The following SYDE2 variants were observed in gnomAD, a reference collection of about 807,000 sequenced individuals.
SYDE2 encodes rho GTPase-activating protein SYDE2.
SYDE2 carries 76 observed loss-of-function variants against 91.5 expected under a neutral mutation model. The observed-to-expected ratio is 0.83, with a 90% CI of 0.69 to 1.01. The LOEUF (loss-of-function observed/expected upper bound fraction) is 1.01, where lower values mean the gene tolerates loss of function less well. Ranked by LOEUF, SYDE2 falls within the 50% of genes least tolerant of loss-of-function variation. The pLI is 0.00. For synonymous variants in SYDE2, 513 were observed against 506.4 expected, an observed-to-expected ratio of 1.01 and a Z score of -0.18; for missense variants, 1,364 against 1,367.7, an observed-to-expected ratio of 1.00 and a Z score of 0.04.
chr1:85,172,624 G>A (rs957120704), intron 4 of SYDE2, among the ~76,000 whole-genome samples: 7 of 152,110 alleles, frequency 4.6e-5, no homozygotes, highest in African/African-American at 1.7e-4. Flanking sequence ...CAAAGGACAA[G>A]GATCCCTGAG....
chr1:85,190,309 G>C lies in SYDE2; in HGVS notation c.1189C>G (p.Leu397Val), dbSNP rs1334076106. 1 of 1,613,952 alleles carries C rather than the reference G, an allele frequency of 6.2e-7. No individual in the cohort carries two copies. The highest frequency in any genetic ancestry group is 8.5e-7 in the Non-Finnish European group (1 of 1,179,894). Residue 397 changes from leucine (L) to valine (V), a missense_variant, in exon 2 of 7, where the codon CTG becomes GTG. By Grantham distance (32) the Leu-to-Val change is conservative (BLOSUM62 1). Coordinates refer to ENST00000341460, the MANE Select transcript of SYDE2 (RefSeq NM_032184.2). ...CTCAAATTGACAGCAGGGAGCTTCA[G>C]AACAGCAGAGTCGGCCTCACCAAAA... Reference protein sequence around the residue: ...LSFGEADSAVLKLPAVNLSML... With the variant: ...LSFGEADSAVVKLPAVNLSML...
chr1:85,189,372 A>C (rs112745452), intron 2 of SYDE2, among the ~76,000 whole-genome samples: 1 of 152,232 alleles, frequency 6.6e-6, no homozygotes, highest in African/African-American at 2.4e-5. Context: ...CCACTGGTAC[A>C]CTAAAAACAA....
At chr1:85,175,617 A>G (rs1294479708) in intron 4 of SYDE2, among the ~76,000 whole-genome samples, 1 of 152,226 alleles carries the variant, frequency 6.6e-6, no homozygotes, top group Non-Finnish European at 1.5e-5. Context: ...AAAACACATT[A>G]AACTGTGAAC....
intron 3 of SYDE2, among the ~76,000 whole-genome samples, chr1:85,178,866 G>A (rs181256458): frequency 2.0e-5 from 3 of 151,144 alleles, no homozygotes; most frequent in Admixed American, 6.6e-5. Context: ...AGTGATGGAG[G>A]AAATTTAAAA....
downstream of SYDE2, chr1:85,153,723 C>T (rs1656820879): frequency 6.6e-6 from 1 of 152,028 alleles, no homozygotes; most frequent in Non-Finnish European, 1.5e-5. Context: ...CCAGGTATGG[C>T]CTTGATTGCT....
chr1:85,172,960 T>C (rs1212325837), intron 4 of SYDE2, among the ~76,000 whole-genome samples: 1 of 152,178 alleles, frequency 6.6e-6, no homozygotes. Context: ...GTTTTCATAG[T>C]GTGGGCAATC....
intron 3 of SYDE2, 23 bp from the exon 4 acceptor site, chr1:85,178,295 A>G: frequency 6.5e-7 from 1 of 1,540,800 alleles, no homozygotes; most frequent in Non-Finnish European, 8.7e-7. Context: ...TTATGGCCAC[A>G]TTACAGTAAA....
intron 1 of SYDE2, among the ~76,000 whole-genome samples, chr1:85,196,262 G>A (rs893926485): frequency 2.6e-5 from 4 of 152,144 alleles, no homozygotes; most frequent in Non-Finnish European, 5.9e-5. Flanking sequence ...GAGAGCTCTA[G>A]AAGCTTACTA....
At position 85,178,201 on chromosome 1, in the gene SYDE2, A is replaced by G. The variant is rs781310100; in HGVS notation, c.2616T>C (p.Asp872=). ...TTTCACACAGACCAACAGCTTTGCT[A>G]TCTCTCTCAAAAGCCTCTCGCAGTT... ...KKELREAFER[D]SKAVGLCENQ... Residue 872 remains aspartate (D), a synonymous_variant, in exon 4 of 7, where the codon GAT becomes GAC. Transcript: ENST00000341460. The G allele has an allele frequency of 1.9e-6, 3 of 1,586,994 alleles. No individual in the cohort carries two copies. The highest frequency in any genetic ancestry group is 1.8e-5 in the Admixed American group (1 of 56,294).
chr1:85,158,449 G>A lies in SYDE2; in HGVS notation c.*301C>T, dbSNP rs960909762. 8.0e-6 allele frequency: 2 copies of A among 249,488 alleles called. No homozygotes were observed. The highest frequency in any genetic ancestry group is 1.1e-4 in the Admixed American group (2 of 18,594). The allele number at this position is 249,488 out of a possible 1,614,324, so 15.5% of individuals were successfully genotyped here. ...TTCCCATAAAGCAGAAAAACCTTGAGGGGCTAATAACTTATGTGAACCTTC... is the reference window on the plus strand; with the variant it reads ...TTCCCATAAAGCAGAAAAACCTTGAAGGGCTAATAACTTATGTGAACCTTC... On this transcript the variant is annotated 3_prime_UTR_variant, in exon 7 of 7. Transcript: ENST00000341460.
At chr1:85,196,134 A>G (rs1331388089) in intron 1 of SYDE2, among the ~76,000 whole-genome samples, 1 of 152,228 alleles carries the variant, frequency 6.6e-6, no homozygotes, top group Non-Finnish European at 1.5e-5. Context: ...TAGTAAGTAT[A>G]TTAATTCATA....
In SYDE2 at chr1:85,190,830, T is replaced by A. The variant is rs1442081959; in HGVS notation, c.746-78A>T. The A allele has an allele frequency of 2.4e-6, 3 of 1,254,666 alleles. No individual in the cohort carries two copies. The African/African-American group carries it at 4.5e-5, about 19-fold the overall frequency. The allele number at this position is 1,254,666 out of a possible 1,614,324, so 77.7% of individuals were successfully genotyped here. A position where few individuals can be genotyped will look rare whatever the true frequency, so the allele number is the denominator to read the frequency against. ...GACATGTCACTTCAGACCAGTTATT[T>A]AAAAAAATTTTTTTAAACAAAAAGT... On this transcript the variant is annotated intron_variant, in intron 1 of 6. Coordinates refer to ENST00000341460, the MANE Select transcript of SYDE2 (RefSeq NM_032184.2).
rs768557877 is a variant in SYDE2 at position 85,182,949 on chromosome 1, T to G, written c.1693A>C (p.Asn565His). Residue 565 changes from asparagine to histidine, a missense_variant, in exon 3 of 7, where the codon AAC (asparagine) becomes CAC (histidine). Transcript: ENST00000341460. ...PDNTPSLSKY[N>H]CREVHHTDIL... is the part of the protein sequence containing the mutation. Reference sequence around the variant, plus strand: ...TCAGTATGATGAACTTCTCGGCAGTTATATTTAGACAAAGAAGGAGTATTA... The same window carrying G: ...TCAGTATGATGAACTTCTCGGCAGTGATATTTAGACAAAGAAGGAGTATTA... 1 of 1,613,884 alleles carries G rather than the reference T, an allele frequency of 6.2e-7. No homozygotes were observed. Among genetic ancestry groups the G allele is most frequent in the South Asian group, 1.1e-5 (1 of 91,074 alleles).
rs532518453 is a variant in SYDE2 at position 85,200,950 on chromosome 1, C to T, written c.47G>A (p.Gly16Asp). The T allele has an allele frequency of 1.5e-6, 2 of 1,294,054 alleles. No homozygotes were observed. Among genetic ancestry groups the T allele is most frequent in the Admixed American group, 4.0e-5 (1 of 24,888 alleles). The allele number at this position is 1,294,054 out of a possible 1,614,324, so 80.2% of individuals were successfully genotyped here. The change falls in exon 1 of 7, where the codon GGC becomes GAC. Residue 16 changes from glycine (G) to aspartate (D), a missense_variant. Physicochemically the swap from Gly to Asp is moderately conservative, Grantham distance 94. Coordinates refer to ENST00000341460, the MANE Select transcript of SYDE2 (RefSeq NM_032184.2). Reference sequence around the variant, plus strand: ...CGCGGGGAAGCTGTGATCCGCCAAGCCCCTGCCGCCCCGCCGCGCGCCCGA... The same window carrying T: ...CGCGGGGAAGCTGTGATCCGCCAAGTCCCTGCCGCCCCGCCGCGCGCCCGA... ...PDSGARRGGR[G>D]LADHSFPAGA...
rs745958740 is a variant in SYDE2 at position 85,158,742 on chromosome 1, C to T, written c.*8G>A. 19 of 707,746 alleles carry T rather than the reference C, an allele frequency of 2.7e-5. No homozygotes were observed. Among genetic ancestry groups the T allele is most frequent in the Middle Eastern group, 6.5e-4 (2 of 3,072 alleles). 43.8% of individuals were successfully genotyped at this position (707,746 alleles called of 1,614,324 possible). On this transcript the variant is annotated 3_prime_UTR_variant, in exon 7 of 7. Coordinates refer to ENST00000341460, the MANE Select transcript of SYDE2 (RefSeq NM_032184.2). ...ACTTTAAGACATTACAAAAAAAAAC[C>T]CTCAATCTCAAAAACTCATATTAAG...
At chr1:85,163,445 C>CTGTATATATA (rs1657140464) in intron 6 of SYDE2, among the ~76,000 whole-genome samples, 1 of 87,608 alleles carries the variant, frequency 1.1e-5, no homozygotes, top group Non-Finnish European at 2.4e-5. Context: ...GTACTTTAAT[C>CTGTATATATA]TATATATATA....
At chr1:85,176,209 G>A (rs1657690901) in intron 4 of SYDE2, among the ~76,000 whole-genome samples, 1 of 135,848 alleles carries the variant, frequency 7.4e-6, no homozygotes, top group Non-Finnish European at 1.5e-5. Context: ...CATAAAATGA[G>A]TCTTTTGCTG....
At chr1:85,184,963 T>C (rs1160615539) in intron 2 of SYDE2, among the ~76,000 whole-genome samples, 1 of 151,934 alleles carries the variant, frequency 6.6e-6, no homozygotes, top group Admixed American at 6.6e-5. Context: ...GAATTAGCTT[T>C]CCAATTCTCT....
chr1:85,200,401 CGCCCT>C lies in SYDE2; in HGVS notation c.591_595del (p.Gly198SerfsTer34), dbSNP rs760217045. The C allele has an allele frequency of 1.9e-6, 3 of 1,614,026 alleles. No individual in the cohort carries two copies. Among genetic ancestry groups the C allele is most frequent in the South Asian group, 2.2e-5 (2 of 91,092 alleles). On this transcript the variant is annotated frameshift_variant, in exon 1 of 7. Coordinates refer to ENST00000341460, the MANE Select transcript of SYDE2 (RefSeq NM_032184.2). LOFTEE classifies it high-confidence loss of function. Reference sequence around the variant, plus strand: ...ACCCTTCATTCCCAGGGACAGCAGACGCCCTTTGTACATCCACTTCTGCAGCTTCT... The same window carrying C: ...ACCCTTCATTCCCAGGGACAGCAGACTTGTACATCCACTTCTGCAGCTTCT...
Sources: allele counts gnomAD v4.1 joint callset (sites outside exome capture counted in the v4.1 genomes callset), GRCh38; gene constraint gnomAD v4.1.1; transcripts MANE v1.5; gene names NCBI Gene and HGNC (gene_info 2026-07-23, HGNC 2026-07-21).